ATP8A2: variants seen among roughly 807,000 people sequenced by gnomAD.
ATP8A2 encodes ATPase phospholipid transporting 8A2, also known as phospholipid-transporting ATPase IB.
In ATP8A2, 100 loss-of-function variants were observed where a neutral mutation model predicts 165.6. That is an observed-to-expected ratio of 0.60 (90% CI 0.51 to 0.71). The LOEUF is 0.71. Ranked by LOEUF, ATP8A2 falls within the 30% of genes least tolerant of loss-of-function variation. The pLI is 0.00. For missense variants in ATP8A2, 1,227 were observed against 1,479.5 expected (o/e 0.83, Z 2.80); for synonymous variants, 543 against 548.8 (o/e 0.99, Z 0.15).
At chr13:25,868,029 C>G in intron 33 of ATP8A2, 1 of 428,302 alleles carries the variant, frequency 2.3e-6, no homozygotes, top group Non-Finnish European at 4.7e-6. Flanking sequence ...AGGTGGGGCG[C>G]TCAGTGAGAA....
chr13:25,917,961 T>C (rs912360968), intron 33 of ATP8A2, among the ~76,000 whole-genome samples: 20 of 152,360 alleles, frequency 1.3e-4, no homozygotes, highest in African/African-American at 4.8e-4. Flanking sequence ...ATTTTTGTTC[T>C]TTGAATATTG....
chr13:25,814,653 T>C (rs984799427), intron 27 of ATP8A2, among the ~76,000 whole-genome samples: 15 of 135,474 alleles, frequency 1.1e-4, no homozygotes, highest in Non-Finnish European at 2.3e-4. Context: ...TTTCAACGAA[T>C]GAGGCTAGGA....
chr13:25,454,735 A>T (rs1386719284), intron 1 of ATP8A2, among the ~76,000 whole-genome samples: 1 of 152,152 alleles, frequency 6.6e-6, no homozygotes, highest in Non-Finnish European at 1.5e-5. Flanking sequence ...CAGCCTGACC[A>T]ACGTGGTGAA....
chr13:25,414,827 G>T (rs1159230688), intron 1 of ATP8A2, among the ~76,000 whole-genome samples: 1 of 152,118 alleles, frequency 6.6e-6, no homozygotes, highest in Non-Finnish European at 1.5e-5. Flanking sequence ...GCCCTTCATT[G>T]CTATTTGCTT....
At chr13:25,422,382 G>A (rs905387348) in intron 1 of ATP8A2, among the ~76,000 whole-genome samples, 1 of 152,170 alleles carries the variant, frequency 6.6e-6, no homozygotes, top group African/African-American at 2.4e-5. Context: ...CACACACTTG[G>A]AAGGCTCCAC....
At chr13:25,532,827 C>T (rs1006148684) in intron 5 of ATP8A2, among the ~76,000 whole-genome samples, 1 of 151,914 alleles carries the variant, frequency 6.6e-6, no homozygotes, top group Admixed American at 6.6e-5. Flanking sequence ...CCACCACCCC[C>T]GACTAATTTT....
chr13:25,968,799 T>G, intron 35 of ATP8A2, 120 bp downstream of exon 35: 1 of 762,812 alleles, frequency 1.3e-6, no homozygotes, highest in South Asian at 1.8e-5. Flanking sequence ...TGCTCAGGCT[T>G]AAGAATTTTG....
At chr13:25,447,731 G>C (rs2035108948) in intron 1 of ATP8A2, among the ~76,000 whole-genome samples, 1 of 152,292 alleles carries the variant, frequency 6.6e-6, no homozygotes, top group Admixed American at 6.5e-5. Context: ...CAGTACATGG[G>C]TCCTTGTCCA....
chr13:25,481,084 T>G (rs7983799), intron 2 of ATP8A2, among the ~76,000 whole-genome samples: 149,745 of 150,804 alleles, frequency 0.99, 74,357 homozygotes, highest in East Asian at 1. Flanking sequence ...CAGGGAGGTT[T>G]CAGTGAGCCG....
intron 2 of ATP8A2, among the ~76,000 whole-genome samples, chr13:25,527,898 T>G (rs1470636519): frequency 6.6e-6 from 1 of 152,218 alleles, no homozygotes; most frequent in Non-Finnish European, 1.5e-5. Context: ...GTTCAAATGT[T>G]ATAATCAAGC....
chr13:25,377,030 C>T (rs969033695), intron 1 of ATP8A2, among the ~76,000 whole-genome samples: 14 of 152,318 alleles, frequency 9.2e-5, no homozygotes, highest in South Asian at 4.1e-4. Flanking sequence ...GGACGCCTTC[C>T]GTTGTCCAGT....
At chr13:25,980,562 G>A (rs1956155357) in intron 35 of ATP8A2, among the ~76,000 whole-genome samples, 1 of 152,156 alleles carries the variant, frequency 6.6e-6, no homozygotes, top group Non-Finnish European at 1.5e-5. Context: ...GCCTTTGTGA[G>A]CAGGGTCCTA....
intron 2 of ATP8A2, among the ~76,000 whole-genome samples, chr13:25,510,945 T>C (rs1051040098): frequency 6.6e-6 from 1 of 152,180 alleles, no homozygotes; most frequent in African/African-American, 2.4e-5. Flanking sequence ...AAATCAATAA[T>C]CTCCTGCCCT....
intron 24 of ATP8A2, among the ~76,000 whole-genome samples, chr13:25,610,480 A>G (rs532171185): frequency 5.3e-5 from 8 of 152,066 alleles, no homozygotes; most frequent in Non-Finnish European, 1.0e-4. Context: ...CTATGTGCCT[A>G]TTTTTATATC....
At chr13:25,620,635 G>C (rs184546217) in intron 24 of ATP8A2, among the ~76,000 whole-genome samples, 3 of 152,300 alleles carry the variant, frequency 2.0e-5, no homozygotes, top group African/African-American at 7.2e-5. Context: ...ACAATTGCCT[G>C]TGTAAATTGA....
intron 1 of ATP8A2, among the ~76,000 whole-genome samples, chr13:25,447,276 C>T (rs77142725): frequency 0.01 from 1,544 of 151,928 alleles, 32 homozygotes; most frequent in African/African-American, 0.035. Context: ...TTTTTTTAAT[C>T]GGTACATAAT....
At chr13:25,966,779 A>T (rs1438839593) in intron 34 of ATP8A2, among the ~76,000 whole-genome samples, 1 of 152,198 alleles carries the variant, frequency 6.6e-6, no homozygotes, top group Non-Finnish European at 1.5e-5. Context: ...AGTGGGTTGG[A>T]TTCTGACCTA....
chr13:25,611,402 T>A lies in ATP8A2; in HGVS notation c.2211+21703T>A, dbSNP rs192319487. ...ACTTTTTCTGCATCTATTTAGATGA[T>A]CATGTGATTTTTGTTTTTAATTCTG... On this transcript the variant is annotated intron_variant, in intron 24 of 36. Transcript: ENST00000381655. Among the ~76,000 whole-genome samples, 25 of 152,308 alleles carry A rather than the reference T, an allele frequency of 1.6e-4. No individual in the cohort carries two copies. In the East Asian group the frequency reaches 4.8e-3, roughly 29 times the overall value.
chr13:25,735,557 G>A (rs190871279), intron 25 of ATP8A2, among the ~76,000 whole-genome samples: 1 of 148,886 alleles, frequency 6.7e-6, no homozygotes, highest in Non-Finnish European at 1.5e-5. Context: ...CTCCACACTG[G>A]CAAGGGTTGG....
Sources: allele counts gnomAD v4.1 joint callset (sites outside exome capture counted in the v4.1 genomes callset), GRCh38; gene constraint gnomAD v4.1.1; transcripts MANE v1.5; gene names NCBI Gene and HGNC (gene_info 2026-07-23, HGNC 2026-07-21).